AKR1C1: variants seen among roughly 807,000 people sequenced by gnomAD.
AKR1C1 encodes the protein 20 alpha-hydroxysteroid dehydrogenase.
A neutral mutation model predicts 40.6 loss-of-function variants in AKR1C1; 32 were observed. The ratio of observed to expected loss-of-function variants is 0.79; its 90% CI spans 0.60 to 1.06. The LOEUF (loss-of-function observed/expected upper bound fraction) is 1.06. Ranked by LOEUF, AKR1C1 falls within the 50% of genes least tolerant of loss-of-function variation. AKR1C1 has a pLI of 0.00. For synonymous variants in AKR1C1, 105 were observed against 134.2 expected, an observed-to-expected ratio of 0.78 and a Z score of 1.50; for missense variants, 320 against 363.5, an observed-to-expected ratio of 0.88 and a Z score of 0.97.
chr10:4,966,953 G>T lies in AKR1C1; in HGVS notation c.279G>T (p.Glu93Asp). 6.2e-7 allele frequency: 1 copy of T among 1,613,780 alleles called. No homozygotes were observed. Among genetic ancestry groups the T allele is most frequent in the Non-Finnish European group, 8.5e-7 (1 of 1,179,774 alleles). ...TTTGGTGCAATTCCCATCGACCAGA[G>T]TTGGTCCGACCAGCCTTGGAAAGGT... The part of the protein sequence containing the change: ...SKLWCNSHRP[E>D]LVRPALERSL... The change falls in exon 3 of 9, where the codon GAG becomes GAT. Residue 93 changes from glutamate to aspartate, a missense_variant. Physicochemically the swap from Glu to Asp is conservative, Grantham distance 45 (BLOSUM62 2). This residue lies in a region of AKR1C1 where 214 missense variants were observed against 214.8 expected (regional missense o/e 1.00). Coordinates refer to ENST00000380872, the MANE Select transcript of AKR1C1 (RefSeq NM_001353.6).
At chr10:4,966,876 A>T in intron 2 of AKR1C1, 51 bp from the exon 3 acceptor site, 1 of 1,544,156 alleles carries the variant, frequency 6.5e-7, no homozygotes, top group Non-Finnish European at 8.8e-7. Flanking sequence ...GCAAACTAGT[A>T]AAATTGGCTC....
At chr10:4,974,957 G>T (rs1384390058) in intron 7 of AKR1C1, among the ~76,000 whole-genome samples, 7 of 151,932 alleles carry the variant, frequency 4.6e-5, no homozygotes, top group Non-Finnish European at 1.0e-4. Context: ...TGTTGACATT[G>T]TAATAAGCCT....
chr10:4,973,412 T>A (rs1836470504), intron 7 of AKR1C1, among the ~76,000 whole-genome samples: 1 of 152,210 alleles, frequency 6.6e-6, no homozygotes, highest in Non-Finnish European at 1.5e-5. Flanking sequence ...TGCTTCAGGA[T>A]GTCCCTGGGG....
Position 4,973,470 on chromosome 10 carries a change from C to T in AKR1C1, c.846+721C>T, listed in dbSNP as rs149236863. Among the ~76,000 whole-genome samples, 260 of 152,304 alleles carry T rather than the reference C, an allele frequency of 1.7e-3. 3 individuals carry two copies. In the East Asian group the frequency reaches 0.041, roughly 24 times the overall value. Reference sequence around the variant, plus strand: ...TCCCATGCAGTTCTTTATCCTCCAGCCATCCAGCCCAGGGTTCACCTCAGC... The same window carrying T: ...TCCCATGCAGTTCTTTATCCTCCAGTCATCCAGCCCAGGGTTCACCTCAGC... On this transcript the variant is annotated intron_variant, in intron 7 of 8. Transcript: ENST00000380872.
chr10:4,966,905 T>C (rs1836341999), intron 2 of AKR1C1, 22 bp from the exon 3 acceptor site: 1 of 1,590,950 alleles, frequency 6.3e-7, no homozygotes, highest in Non-Finnish European at 8.6e-7. Context: ...ATTACACAAC[T>C]TCCTTTCTCT....
In AKR1C1 at chr10:4,982,908, G is replaced by T; in HGVS notation, c.*5166G>T. ...CTGACCAGTCAGAGGTCTTGAGTCG[G>T]TCCGCATGACAAGTTCACCGCTCGC... On this transcript the variant is annotated 3_prime_UTR_variant, in exon 9 of 9. Coordinates refer to ENST00000380872, the MANE Select transcript of AKR1C1 (RefSeq NM_001353.6). The T allele has an allele frequency of 2.2e-6, 1 of 445,842 alleles. No homozygotes were observed. The highest frequency in any genetic ancestry group is 4.5e-6 in the Non-Finnish European group (1 of 222,274). The allele number at this position is 445,842 out of a possible 1,614,324, so 27.6% of individuals were successfully genotyped here. A position where few individuals can be genotyped will look rare whatever the true frequency, so the allele number is the denominator to read the frequency against.
At chr10:4,970,118 C>A (rs1251176601) in intron 5 of AKR1C1, among the ~76,000 whole-genome samples, 2 of 151,938 alleles carry the variant, frequency 1.3e-5, no homozygotes, top group Non-Finnish European at 2.9e-5. Context: ...GTTTCTAGAA[C>A]CTCTTCAAGG....
In AKR1C1 at chr10:4,966,957, G is replaced by A. The variant is rs1832814469; in HGVS notation, c.283G>A (p.Val95Ile). 6.2e-7 allele frequency: 1 copy of A among 1,613,792 alleles called. No individual in the cohort carries two copies. The highest frequency in any genetic ancestry group is 1.1e-5 in the South Asian group (1 of 91,050). Residue 95 changes from valine (V) to isoleucine (I), a missense_variant, in exon 3 of 9, where the codon GTC (valine) becomes ATC (isoleucine). This residue lies in a region of AKR1C1 where 214 missense variants were observed against 214.8 expected (regional missense o/e 1.00). Coordinates refer to ENST00000380872, the MANE Select transcript of AKR1C1 (RefSeq NM_001353.6). Reference protein sequence around the residue: ...LWCNSHRPELVRPALERSLKN... With the variant: ...LWCNSHRPELIRPALERSLKN... ...GTGCAATTCCCATCGACCAGAGTTG[G>A]TCCGACCAGCCTTGGAAAGGTCACT...
Position 4,981,960 on chromosome 10 carries a change from C to T in AKR1C1, c.*4218C>T, listed in dbSNP as rs1237890228. ...CTGGATGTAAACCTGGCACTGTTAGCAGAGCACTGCATGAATGAAAGGAAT... is the reference window on the plus strand; with the variant it reads ...CTGGATGTAAACCTGGCACTGTTAGTAGAGCACTGCATGAATGAAAGGAAT... On this transcript the variant is annotated 3_prime_UTR_variant, in exon 9 of 9. Transcript: ENST00000380872. 3.9e-5 allele frequency: 6 copies of T among 152,234 alleles called. No homozygotes were observed. The highest frequency in any genetic ancestry group is 1.4e-4 in the African/African-American group (6 of 41,442). 9.4% of individuals were successfully genotyped at this position (152,234 alleles called of 1,614,324 possible). A position where few individuals can be genotyped will look rare whatever the true frequency, so the allele number is the denominator to read the frequency against.
At position 4,982,198 on chromosome 10, in the gene AKR1C1, A is replaced by G. The variant is rs1836628244; in HGVS notation, c.*4456A>G. 6.6e-6 allele frequency: 1 copy of G among 152,154 alleles called. No individual in the cohort carries two copies. Among genetic ancestry groups the G allele is most frequent in the African/African-American group, 2.4e-5 (1 of 41,390 alleles). 9.4% of individuals were successfully genotyped at this position (152,154 alleles called of 1,614,324 possible). A position where few individuals can be genotyped will look rare whatever the true frequency, so the allele number is the denominator to read the frequency against. ...TGTGCTGTGATAAGGAATGCTGAAA[A>G]CGGTCTCCTGAGAATGCGGTTTGAG... On this transcript the variant is annotated 3_prime_UTR_variant, in exon 9 of 9. Transcript: ENST00000380872.
chr10:4,968,734 T>G, intron 4 of AKR1C1, 88 bp from the exon 5 acceptor site: 2 of 1,590,150 alleles, frequency 1.3e-6, no homozygotes, highest in Non-Finnish European at 1.7e-6. Flanking sequence ...CTAGCTAGTT[T>G]TATTGTCATA....
intron 7 of AKR1C1, among the ~76,000 whole-genome samples, chr10:4,974,088 C>G (rs1836485394): frequency 6.6e-6 from 1 of 151,062 alleles, no homozygotes; most frequent in African/African-American, 2.4e-5. Context: ...GACAATGAAA[C>G]AATTGATGAA....
Position 4,966,006 on chromosome 10 carries a change from G to A in AKR1C1, c.177G>A (p.Glu59=), listed in dbSNP as rs1299732795. ...IDSAHLYNNE[E]QVGLAIRSKI... is the part of the protein sequence containing the mutation. ...CTGCTCATTTATACAATAATGAGGA[G>A]CAGGTTGGACTGGCCATCCGAAGCA... Residue 59 remains glutamate, a synonymous_variant, in exon 2 of 9, where the codon GAG becomes GAA. Transcript: ENST00000380872. 1.9e-6 allele frequency: 3 copies of A among 1,614,100 alleles called. No individual in the cohort carries two copies. Among genetic ancestry groups the A allele is most frequent in the East Asian group, 2.2e-5 (1 of 44,900 alleles).
chr10:4,975,267 GT>G (rs1300970186), intron 7 of AKR1C1, among the ~76,000 whole-genome samples: 1 of 151,862 alleles, frequency 6.6e-6, no homozygotes, highest in Non-Finnish European at 1.5e-5. Context: ...TACTCCTTCA[GT>G]TTCCCTATGG....
rs554011202 is a variant in AKR1C1 at position 4,976,294 on chromosome 10, T to C, written c.929+361T>C. Among the ~76,000 whole-genome samples, 65 of 152,228 alleles carry C rather than the reference T, an allele frequency of 4.3e-4. 2 individuals carry two copies. The South Asian group carries it at 6.0e-3, about 14-fold the overall frequency. On this transcript the variant is annotated intron_variant, in intron 8 of 8. Coordinates refer to ENST00000380872, the MANE Select transcript of AKR1C1 (RefSeq NM_001353.6). ...GTCGCATTAGATGTTTCCAAATCTG[T>C]GCTTCTATCTTGTTCTTCCCAACCT...
intron 1 of AKR1C1, among the ~76,000 whole-genome samples, chr10:4,964,338 A>G (rs1836296199): frequency 6.6e-6 from 1 of 152,218 alleles, no homozygotes; most frequent in African/African-American, 2.4e-5. Flanking sequence ...GGATTTACAA[A>G]GGGACATTTT....
rs779100083 is a variant in AKR1C1 at position 4,968,927 on chromosome 10, A to C, written c.553A>C (p.Lys185Gln). 6.2e-6 allele frequency: 10 copies of C among 1,614,052 alleles called. No homozygotes were observed. In the East Asian group the frequency reaches 1.6e-4, roughly 25 times the overall value. The stretch of plus-strand genomic sequence containing the variant: ...CCTCAACAAGCCAGGGCTCAAGTAC[A>C]AGCCTGTCTGCAACCAGGTGAGCAC... ...MILNKPGLKY[K>Q]PVCNQVECHP... Residue 185 changes from lysine to glutamine, a missense_variant, in exon 5 of 9, where the codon AAG becomes CAG. Lys to Gln is a moderately conservative substitution (Grantham distance 53). Around this residue, in one of 3 missense-constraint regions of AKR1C1, gnomAD observed 77 missense variants for 125.3 expected, o/e 0.61. Transcript: ENST00000380872.
Position 4,980,799 on chromosome 10 carries a change from C to T in AKR1C1, c.*3057C>T, listed in dbSNP as rs1225366617. On this transcript the variant is annotated 3_prime_UTR_variant, in exon 9 of 9. Coordinates refer to ENST00000380872, the MANE Select transcript of AKR1C1 (RefSeq NM_001353.6). ...AATTCACTTCTTTCAAACTCCTGTT[C>T]AAGTAAATGTTTTGCCCTCCTGTCA... 1 of 152,050 alleles carries T rather than the reference C, an allele frequency of 6.6e-6. No homozygotes were observed. The highest frequency in any genetic ancestry group is 2.4e-5 in the African/African-American group (1 of 41,408). 9.4% of individuals were successfully genotyped at this position (152,050 alleles called of 1,614,324 possible). A position where few individuals can be genotyped will look rare whatever the true frequency, so the allele number is the denominator to read the frequency against.
chr10:4,968,820 A>T lies in AKR1C1; in HGVS notation c.448-2A>T. On this transcript the variant is annotated splice_acceptor_variant, in intron 4 of 8. Transcript: ENST00000380872. LOFTEE classifies it high-confidence loss of function. ...CCACACCTCACAATTCCTTTTTCCC[A>T]GGCCGTGGAGAAGTGTAAAGATGCA... 6.2e-7 allele frequency: 1 copy of T among 1,614,026 alleles called. No individual in the cohort carries two copies. Among genetic ancestry groups the T allele is most frequent in the Admixed American group, 1.7e-5 (1 of 59,996 alleles).
Sources: allele counts gnomAD v4.1 joint callset (sites outside exome capture counted in the v4.1 genomes callset), GRCh38; gene constraint gnomAD v4.1.1; regional missense constraint gnomAD v4.1.1; transcripts MANE v1.5; gene names NCBI Gene and HGNC (gene_info 2026-07-23, HGNC 2026-07-21).